The following AGBL1 variants were observed in gnomAD, a reference collection of about 807,000 sequenced individuals.
AGBL1 encodes the protein AGBL carboxypeptidase 1, also known as cytosolic carboxypeptidase 4.
AGBL1 carries 130 observed loss-of-function variants against 118.9 expected under a neutral mutation model. The ratio of observed to expected loss-of-function variants is 1.09; its 90% CI spans 0.95 to 1.26. The LOEUF (loss-of-function observed/expected upper bound fraction) is 1.26, where lower values mean the gene tolerates loss of function less well. Ranked by LOEUF, AGBL1 falls within the 50% of genes most tolerant of loss-of-function variation. The pLI, the probability that AGBL1 is intolerant of heterozygous loss-of-function variation, is 0.00. For synonymous variants in AGBL1, 555 were observed against 478.9 expected, an observed-to-expected ratio of 1.16 and a Z score of -2.08; for missense variants, 1,584 against 1,298.1, an observed-to-expected ratio of 1.22 and a Z score of -3.38.
At chr15:86,335,623 A>G (rs1332553085) in intron 17 of AGBL1, among the ~76,000 whole-genome samples, 2 of 152,254 alleles carry the variant, frequency 1.3e-5, no homozygotes, top group African/African-American at 4.8e-5. Flanking sequence ...TATTGAGGGA[A>G]ATTCTTGGAA....
At chr15:86,998,154 C>T (rs1461141605) in intron 24 of AGBL1, among the ~76,000 whole-genome samples, 1 of 152,104 alleles carries the variant, frequency 6.6e-6, no homozygotes, top group Admixed American at 6.6e-5. Flanking sequence ...GTAATTCCCT[C>T]CCGTTGAGTA....
chr15:86,382,870 C>T (rs1179207925), intron 17 of AGBL1, among the ~76,000 whole-genome samples: 3 of 152,064 alleles, frequency 2.0e-5, no homozygotes, highest in Non-Finnish European at 4.4e-5. Flanking sequence ...TTGCTGACTT[C>T]CCCCATTCCT....
intron 17 of AGBL1, among the ~76,000 whole-genome samples, chr15:86,371,729 G>A (rs1218841641): frequency 6.6e-6 from 1 of 152,106 alleles, no homozygotes; most frequent in African/African-American, 2.4e-5. Context: ...TCCCTTCATA[G>A]AAAATATTTT....
chr15:86,650,265 C>T lies in AGBL1; in HGVS notation c.2995-24008C>T, dbSNP rs149428331. Reference sequence around the variant, plus strand: ...ACTAAGTTTGCCAGCTTCCTTATTACTAAGTATGGCCATGTGACCATCTTT... The same window carrying T: ...ACTAAGTTTGCCAGCTTCCTTATTATTAAGTATGGCCATGTGACCATCTTT... On this transcript the variant is annotated intron_variant, in intron 21 of 22. Transcript: ENST00000614907. Among the ~76,000 whole-genome samples the T allele has an allele frequency of 4.9e-3, 751 of 152,224 alleles. 5 individuals carry two copies. Among genetic ancestry groups the T allele is most frequent in the South Asian group, 0.032 (154 of 4,822 alleles).
At chr15:86,696,477 T>C (rs2086262523) in intron 22 of AGBL1, among the ~76,000 whole-genome samples, 1 of 151,878 alleles carries the variant, frequency 6.6e-6, no homozygotes, top group African/African-American at 2.4e-5. Context: ...TGAGTCCTTA[T>C]GTGTCAAGTG....
At chr15:86,215,771 C>CT (rs2141901133) in intron 5 of AGBL1, among the ~76,000 whole-genome samples, 1 of 152,336 alleles carries the variant, frequency 6.6e-6, no homozygotes, top group African/African-American at 2.4e-5. Context: ...AAATCTAAAA[C>CT]ATATCCACGT....
chr15:86,335,641 A>G (rs1457834092), intron 17 of AGBL1, among the ~76,000 whole-genome samples: 2 of 152,268 alleles, frequency 1.3e-5, no homozygotes, highest in Non-Finnish European at 1.5e-5. Flanking sequence ...GAAGAAACCA[A>G]AGATAAAATA....
rs2080171271 is a variant in AGBL1, at chr15:86,325,572, G to C, written c.2374+30164G>C. On this transcript the variant is annotated intron_variant, in intron 17 of 22. Coordinates refer to ENST00000614907, the MANE Select transcript of AGBL1 (RefSeq NM_001386094.1). ...GGGAATCAGGTTTCACACATGGGGAGTCTTCGCCTCTGCTGCCAGCCTGGC... is the reference window on the plus strand; with the variant it reads ...GGGAATCAGGTTTCACACATGGGGACTCTTCGCCTCTGCTGCCAGCCTGGC... 2.6e-5 allele frequency among the ~76,000 whole-genome samples: 4 copies of C among 152,166 alleles called. No individual in the cohort carries two copies. In the South Asian group the frequency reaches 8.3e-4, roughly 32 times the overall value.
intron 18 of AGBL1, among the ~76,000 whole-genome samples, chr15:86,400,824 A>G (rs994575363): frequency 1.3e-5 from 2 of 151,308 alleles, no homozygotes; most frequent in African/African-American, 4.8e-5. Context: ...ATATATATAT[A>G]TGTATTTCTA....
intron 22 of AGBL1, among the ~76,000 whole-genome samples, chr15:86,843,035 C>T (rs2079267388): frequency 6.6e-6 from 1 of 152,142 alleles, no homozygotes; most frequent in African/African-American, 2.4e-5. Flanking sequence ...TACTTTGGGA[C>T]ATTCAAGGTA....
chr15:86,827,489 GTATATA>G (rs1218247459), intron 22 of AGBL1, among the ~76,000 whole-genome samples: 1 of 3,308 alleles, frequency 3.0e-4, no homozygotes, highest in African/African-American at 1.1e-3. Context: ...ATATATGTGT[GTATATA>G]TATATATATA....
chr15:86,707,075 C>G (rs2086463785), intron 22 of AGBL1, among the ~76,000 whole-genome samples: 1 of 152,110 alleles, frequency 6.6e-6, no homozygotes, highest in African/African-American at 2.4e-5. Context: ...AGCTGTAAGT[C>G]TCTCTATCTG....
intron 23 of AGBL1, among the ~76,000 whole-genome samples, chr15:86,975,525 A>G (rs1329994967): frequency 1.3e-5 from 2 of 152,036 alleles, no homozygotes; most frequent in African/African-American, 4.8e-5. Flanking sequence ...AGCCATATCA[A>G]AGACAAAGTA....
chr15:86,766,562 T>A (rs542815784), intron 22 of AGBL1, among the ~76,000 whole-genome samples: 8 of 151,974 alleles, frequency 5.3e-5, no homozygotes, highest in African/African-American at 1.9e-4. Flanking sequence ...AGATAGATGG[T>A]CATATAATTT....
At chr15:86,608,849 T>C (rs140815455) in intron 21 of AGBL1, among the ~76,000 whole-genome samples, 1 of 152,204 alleles carries the variant, frequency 6.6e-6, no homozygotes, top group African/African-American at 2.4e-5. Context: ...TTGGACCCTG[T>C]GAGCATCATG....
At chr15:86,999,741 C>T (rs36179185) in intron 24 of AGBL1, among the ~76,000 whole-genome samples, 90,999 of 147,444 alleles carry the variant, frequency 0.62, 28,646 homozygotes, top group South Asian at 0.74. Flanking sequence ...GGTATATACC[C>T]AGTAATGGGA....
chr15:86,657,754 ATC>A (rs1407608859), intron 21 of AGBL1, among the ~76,000 whole-genome samples: 1 of 152,104 alleles, frequency 6.6e-6, no homozygotes, highest in Non-Finnish European at 1.5e-5. Context: ...GGAAGGACAC[ATC>A]TCTCGTAAGT....
Position 86,397,366 on chromosome 15 carries a change from G to T in AGBL1, c.2375G>T (p.Arg792Leu). The T allele has an allele frequency of 1.3e-6, 2 of 1,523,584 alleles. No homozygotes were observed. Among genetic ancestry groups the T allele is most frequent in the African/African-American group, 1.4e-5 (1 of 73,132 alleles). The allele number at this position is 1,523,584 out of a possible 1,614,324, so 94.4% of individuals were successfully genotyped here. The change falls in exon 18 of 23, where the codon CGA (arginine) becomes CTA (leucine). Residue 792 changes from arginine to leucine, a missense_variant and splice_region_variant. Coordinates refer to ENST00000614907, the MANE Select transcript of AGBL1 (RefSeq NM_001386094.1). Reference sequence around the variant, plus strand: ...TTTTCTTATGTCCCTTTTTCTGCAGGACATCGTCCATATCAGGTGATCACT... The same window carrying T: ...TTTTCTTATGTCCCTTTTTCTGCAGTACATCGTCCATATCAGGTGATCACT... ...SNSDEHLEQF[R>L]HRPYQVITAR... is the part of the protein sequence containing the mutation.
intron 23 of AGBL1, among the ~76,000 whole-genome samples, chr15:86,941,568 T>C (rs780740048): frequency 7.9e-5 from 12 of 152,200 alleles, no homozygotes; most frequent in Non-Finnish European, 1.3e-4. Context: ...TGGCTCATGA[T>C]GGCAGAGAAG....
Sources: gnomAD v4.1 joint callset for allele counts (sites outside exome capture counted in the v4.1 genomes callset) on GRCh38, gnomAD v4.1.1 for gene constraint, MANE v1.5 for transcripts, NCBI Gene and HGNC (gene_info 2026-07-23, HGNC 2026-07-21) for gene names.